CDH18: variants seen among roughly 807,000 people sequenced by gnomAD.
CDH18 encodes cadherin-18.
In CDH18, 31 loss-of-function variants were observed where a neutral mutation model predicts 67.9. The ratio of observed to expected loss-of-function variants is 0.46; its 90% confidence interval spans 0.34 to 0.62. The LOEUF is 0.62. Ranked by LOEUF, CDH18 falls within the 20% of genes least tolerant of loss-of-function variation. The probability of loss-of-function intolerance (pLI) is 0.01; values close to 1 mark genes in which losing one functional copy is unlikely to be tolerated. For missense variants in CDH18, 890 were observed against 975.5 expected (o/e 0.91, Z 1.17); for synonymous variants, 362 against 347.2 (o/e 1.04, Z -0.48).
intron 1 of CDH18, among the ~76,000 whole-genome samples, chr5:20,520,908 G>A (rs925160414): frequency 1.3e-5 from 2 of 152,184 alleles, no homozygotes; most frequent in African/African-American, 4.8e-5. Context: ...GCATGGTCAT[G>A]ATTGGTAGTA....
chr5:20,019,512 G>A (rs1005527738), intron 2 of CDH18, among the ~76,000 whole-genome samples: 1 of 152,124 alleles, frequency 6.6e-6, no homozygotes, highest in African/African-American at 2.4e-5. Flanking sequence ...ATAATAATGA[G>A]TGAGTTCTCA....
Position 19,543,974 on chromosome 5 carries a change from T to C in CDH18, c.1285A>G (p.Arg429Gly). 6.3e-7 allele frequency: 1 copy of C among 1,592,252 alleles called. No individual in the cohort carries two copies. The highest frequency in any genetic ancestry group is 8.6e-7 in the Non-Finnish European group (1 of 1,164,600). The change falls in exon 9 of 13, where the codon AGA becomes GGA. Residue 429 changes from arginine (R) to glycine (G), a missense_variant. Transcript: ENST00000382275. ...GTATTGGCATCAATGTTGAAAAATC[T>C]GTCGTCTTCAACATTGTAGTTGATG... ...YFINYNVEDD[R>G]FFNIDANTGT... is the part of the protein sequence containing the mutation.
intron 4 of CDH18, among the ~76,000 whole-genome samples, chr5:19,734,431 GA>G (rs2150659157): frequency 6.6e-6 from 1 of 152,244 alleles, no homozygotes; most frequent in East Asian, 1.9e-4. Flanking sequence ...CTGTGATATG[GA>G]CGTTTTGGTT....
intron 2 of CDH18, among the ~76,000 whole-genome samples, chr5:20,098,505 G>A (rs535602060): frequency 6.6e-6 from 1 of 152,042 alleles, no homozygotes; most frequent in East Asian, 1.9e-4. Context: ...CCCAAATCCT[G>A]ACAACCAGCA....
chr5:20,078,974 C>A (rs554224732), intron 2 of CDH18, among the ~76,000 whole-genome samples: 4 of 152,184 alleles, frequency 2.6e-5, no homozygotes, highest in South Asian at 2.1e-4. Flanking sequence ...TTATGAGGTA[C>A]AATGTGATGT....
chr5:20,294,449 G>A (rs1747335036), intron 1 of CDH18, among the ~76,000 whole-genome samples: 1 of 152,180 alleles, frequency 6.6e-6, no homozygotes, highest in African/African-American at 2.4e-5. Flanking sequence ...CCCCTCAAAG[G>A]AGAGCTGGTA....
chr5:19,877,167 C>T (rs1177751576), intron 2 of CDH18, among the ~76,000 whole-genome samples: 1 of 151,908 alleles, frequency 6.6e-6, no homozygotes, highest in African/African-American at 2.4e-5. Context: ...ATGAAGCAAG[C>T]GTGCTACAGT....
chr5:19,869,388 G>A (rs1785966425), intron 2 of CDH18, among the ~76,000 whole-genome samples: 1 of 152,102 alleles, frequency 6.6e-6, no homozygotes, highest in South Asian at 2.1e-4. Flanking sequence ...TACCCACCCT[G>A]AGAACGAATG....
At chr5:19,960,587 GTGTA>G (rs376735078) in intron 2 of CDH18, among the ~76,000 whole-genome samples, 3,627 of 118,178 alleles carry the variant, frequency 0.031, 249 homozygotes, top group East Asian at 0.19. Flanking sequence ...GTGTGTGTGT[GTGTA>G]TATATATATA....
chr5:19,952,566 A>G (rs965241426), intron 2 of CDH18, among the ~76,000 whole-genome samples: 2 of 152,144 alleles, frequency 1.3e-5, no homozygotes, highest in African/African-American at 4.8e-5. Flanking sequence ...CATTATTAGC[A>G]CATAAAATCT....
At chr5:19,954,395 G>A (rs1796066565) in intron 2 of CDH18, among the ~76,000 whole-genome samples, 1 of 151,978 alleles carries the variant, frequency 6.6e-6, no homozygotes, top group Non-Finnish European at 1.5e-5. Flanking sequence ...GTATATTCAG[G>A]ACAAAAATTA....
At chr5:19,545,039 C>A (rs1248538930) in intron 8 of CDH18, among the ~76,000 whole-genome samples, 2 of 152,084 alleles carry the variant, frequency 1.3e-5, no homozygotes, top group Non-Finnish European at 2.9e-5. Flanking sequence ...ATTAACATGT[C>A]TCTGAATATA....
chr5:20,013,796 A>C (rs1737659392), intron 2 of CDH18, among the ~76,000 whole-genome samples: 1 of 152,080 alleles, frequency 6.6e-6, no homozygotes, highest in Non-Finnish European at 1.5e-5. Flanking sequence ...ATATTATCGT[A>C]AGTGTATTTT....
intron 2 of CDH18, among the ~76,000 whole-genome samples, chr5:20,244,460 A>G (rs1743219593): frequency 1.3e-5 from 2 of 152,104 alleles, no homozygotes. Flanking sequence ...CCATATGCCC[A>G]TATTGAACTA....
chr5:20,521,178 T>C (rs2471137), intron 1 of CDH18, among the ~76,000 whole-genome samples: 63,677 of 151,924 alleles, frequency 0.42, 14,543 homozygotes, highest in East Asian at 0.56. Flanking sequence ...TTGGGAGGTG[T>C]GAGGTGTCAA....
intron 2 of CDH18, among the ~76,000 whole-genome samples, chr5:19,869,579 C>T (rs1448135154): frequency 6.6e-6 from 1 of 151,992 alleles, no homozygotes; most frequent in Non-Finnish European, 1.5e-5. Flanking sequence ...TAATTCTACA[C>T]AAAAATGCCT....
chr5:20,390,294 A>T (rs567230482), intron 1 of CDH18, among the ~76,000 whole-genome samples: 9 of 152,332 alleles, frequency 5.9e-5, no homozygotes, highest in Non-Finnish European at 1.2e-4. Flanking sequence ...ATTTACAAGA[A>T]AAAAACAAAC....
At position 20,501,554 on chromosome 5, in the gene CDH18, AT is replaced by A. The variant is rs1561069082; in HGVS notation, c.-580+73907del. On this transcript the variant is annotated intron_variant, in intron 1 of 14. Transcript: ENST00000507958. ...TATATATTATATACATATTATATAT[AT>A]AATATATATATATAATATATATATA... Among the ~76,000 whole-genome samples the A allele has an allele frequency of 4.9e-4, 13 of 26,670 alleles. 1 individual carries two copies. The East Asian group carries it at 0.05, about 102-fold the overall frequency. The allele number at this position is 26,670 out of a possible 152,430, so 17.5% of individuals were successfully genotyped here. A position where few individuals can be genotyped will look rare whatever the true frequency, so the allele number is the denominator to read the frequency against.
intron 3 of CDH18, among the ~76,000 whole-genome samples, chr5:19,761,619 A>T (rs570226162): frequency 1.1e-3 from 173 of 152,340 alleles, no homozygotes; most frequent in Non-Finnish European, 2.2e-3. Context: ...AGAACATTCC[A>T]TGGTCACGGA....
Sources: allele counts gnomAD v4.1 joint callset (sites outside exome capture counted in the v4.1 genomes callset), GRCh38; gene constraint gnomAD v4.1.1; transcripts MANE v1.5; gene names NCBI Gene and HGNC (gene_info 2026-07-23, HGNC 2026-07-21).